The following EEFSEC variants were observed in gnomAD, a reference collection of about 807,000 sequenced individuals.
EEFSEC encodes the protein selenocysteine-specific elongation factor.
A neutral mutation model predicts 42.1 loss-of-function variants in EEFSEC; 43 were observed. The observed-to-expected ratio is 1.02, with a 90% confidence interval of 0.80 to 1.32. The LOEUF is 1.32. Among genes scored for constraint, EEFSEC ranks in the 40% most tolerant of loss-of-function variants. The pLI is 0.00. For missense variants in EEFSEC, 745 were observed against 803.6 expected (o/e 0.93, Z 0.88); for synonymous variants, 354 against 339.1 (o/e 1.04, Z -0.48).
At chr3:128,264,215 A>G (rs1017966071) in intron 3 of EEFSEC, among the ~76,000 whole-genome samples, 2 of 152,116 alleles carry the variant, frequency 1.3e-5, no homozygotes, top group African/African-American at 4.8e-5. Flanking sequence ...CTAGATGATG[A>G]GGAGTTTTAA....
chr3:128,246,289 A>C (rs1339372256), intron 1 of EEFSEC, among the ~76,000 whole-genome samples: 1 of 152,160 alleles, frequency 6.6e-6, no homozygotes, highest in East Asian at 1.9e-4. Context: ...TATGACACAG[A>C]ACCTTAGATG....
intron 1 of EEFSEC, among the ~76,000 whole-genome samples, chr3:128,226,084 G>A (rs533409864): frequency 6.6e-5 from 10 of 152,340 alleles, no homozygotes; most frequent in South Asian, 2.1e-4. Flanking sequence ...GGAAACACTC[G>A]TTGCCAGCAA....
At chr3:128,308,155 G>C (rs2066852000) in intron 4 of EEFSEC, among the ~76,000 whole-genome samples, 1 of 152,282 alleles carries the variant, frequency 6.6e-6, no homozygotes, top group South Asian at 2.1e-4. Flanking sequence ...CTGTCATTCA[G>C]ACCCAGGAGT....
intron 4 of EEFSEC, among the ~76,000 whole-genome samples, chr3:128,311,145 TA>T (rs2066885727): frequency 6.6e-6 from 1 of 152,276 alleles, no homozygotes; most frequent in Non-Finnish European, 1.5e-5. Context: ...AGAAAAGGAC[TA>T]ACCATGAGAT....
the EEFSEC span, among the ~76,000 whole-genome samples, chr3:128,419,783 C>T: frequency 6.6e-6 from 1 of 152,194 alleles, no homozygotes; most frequent in Non-Finnish European, 1.5e-5. Context: ...GAAAGACTAG[C>T]CCTGTGTGGT....
At chr3:128,204,131 C>T (rs774590224) in intron 1 of EEFSEC, among the ~76,000 whole-genome samples, 26 of 152,166 alleles carry the variant, frequency 1.7e-4, no homozygotes, top group Non-Finnish European at 2.2e-4. Context: ...GACAGTGTCA[C>T]GGAATAAAAC....
chr3:128,348,278 G>GTGTGTGTGTGTGCGTGTGTGTGTGCA (rs2067340137), intron 5 of EEFSEC, among the ~76,000 whole-genome samples: 1 of 149,470 alleles, frequency 6.7e-6, no homozygotes, highest in Non-Finnish European at 1.5e-5. Context: ...GTGCGTGTGC[G>GTGTGTGTGTGTGCGTGTGTGTGTGCA]TGTGTGTGTG....
At chr3:128,214,657 A>G (rs1478617647) in intron 1 of EEFSEC, among the ~76,000 whole-genome samples, 1 of 152,256 alleles carries the variant, frequency 6.6e-6, no homozygotes, top group African/African-American at 2.4e-5. Context: ...GCCACCAGTT[A>G]AGATATGTAT....
chr3:128,388,674 G>A (rs185708269), intron 6 of EEFSEC, among the ~76,000 whole-genome samples: 171 of 152,342 alleles, frequency 1.1e-3, no homozygotes, highest in Middle Eastern at 6.8e-3. Flanking sequence ...TCATCCCTTT[G>A]CCTCTTCGAG....
At chr3:128,343,584 A>G (rs528101783) in intron 5 of EEFSEC, among the ~76,000 whole-genome samples, 1 of 152,310 alleles carries the variant, frequency 6.6e-6, no homozygotes, top group South Asian at 2.1e-4. Flanking sequence ...CAGTGTTTGG[A>G]GTATAATTAT....
At chr3:128,383,226 T>C (rs2067797933) in intron 6 of EEFSEC, among the ~76,000 whole-genome samples, 1 of 152,230 alleles carries the variant, frequency 6.6e-6, no homozygotes, top group East Asian at 1.9e-4. Context: ...TATTCATCTA[T>C]TGGTTACAAG....
At chr3:128,387,819 C>T (rs551473261) in intron 6 of EEFSEC, among the ~76,000 whole-genome samples, 5 of 152,312 alleles carry the variant, frequency 3.3e-5, no homozygotes, top group South Asian at 2.1e-4. Context: ...TATGGAGCCC[C>T]GCTTGCATGT....
Position 128,264,770 on chromosome 3 carries a change from C to T in EEFSEC, c.775C>T (p.Pro259Ser), listed in dbSNP as rs755656837. ...CAGCCTCGGTGACAGTGTGGAGATC[C>T]CTGCCCTCAAGGTCAGTCTTACCTT... ...SISLGDSVEIPALKVVKKVKS... is the reference protein window; with the variant it reads ...SISLGDSVEISALKVVKKVKS... Residue 259 changes from proline (P) to serine (S), a missense_variant, in exon 4 of 7, where the codon CCT becomes TCT. By Grantham distance (74) the Pro-to-Ser change is moderately conservative. Transcript: ENST00000254730. 6.8e-6 allele frequency: 11 copies of T among 1,613,822 alleles called. No homozygotes were observed. Among genetic ancestry groups the T allele is most frequent in the Admixed American group, 1.7e-5 (1 of 60,004 alleles).
chr3:128,210,168 G>C (rs1438034259), intron 1 of EEFSEC, among the ~76,000 whole-genome samples: 1 of 152,228 alleles, frequency 6.6e-6, no homozygotes, highest in Non-Finnish European at 1.5e-5. Flanking sequence ...AATGGTAGGA[G>C]AAACTGTTTC....
chr3:128,328,473 C>G (rs755980386), intron 4 of EEFSEC, among the ~76,000 whole-genome samples: 4 of 152,102 alleles, frequency 2.6e-5, no homozygotes, highest in African/African-American at 9.7e-5. Flanking sequence ...AGGAGTGGGC[C>G]GTAAGCCCAT....
intron 6 of EEFSEC, among the ~76,000 whole-genome samples, chr3:128,393,535 C>T (rs553572226): frequency 3.3e-5 from 5 of 152,320 alleles, no homozygotes; most frequent in African/African-American, 4.8e-5. Context: ...GAGGCCTATG[C>T]ACTCCAAGAC....
At chr3:128,383,246 G>A (rs113619839) in intron 6 of EEFSEC, among the ~76,000 whole-genome samples, 6 of 152,282 alleles carry the variant, frequency 3.9e-5, no homozygotes, top group African/African-American at 1.2e-4. Flanking sequence ...GCCTGTCCCC[G>A]TTACAGAAAT....
chr3:128,314,749 C>A (rs2066926717), intron 4 of EEFSEC, among the ~76,000 whole-genome samples: 1 of 152,122 alleles, frequency 6.6e-6, no homozygotes. Context: ...TCTATAACAC[C>A]CCCACCCACC....
intron 4 of EEFSEC, among the ~76,000 whole-genome samples, chr3:128,334,056 G>C (rs1232690171): frequency 6.6e-6 from 1 of 152,168 alleles, no homozygotes; most frequent in Non-Finnish European, 1.5e-5. Flanking sequence ...AAACTCCATG[G>C]GCAAGTCCAG....
Sources: gnomAD v4.1 joint callset for allele counts (sites outside exome capture counted in the v4.1 genomes callset) on GRCh38, gnomAD v4.1.1 for gene constraint, MANE v1.5 for transcripts, NCBI Gene and HGNC (gene_info 2026-07-23, HGNC 2026-07-21) for gene names.